KYNU: variants seen among roughly 807,000 people sequenced by gnomAD.
KYNU encodes the protein L-kynurenine hydrolase.
In KYNU, 54 loss-of-function variants were observed where a neutral mutation model predicts 59.2. The observed-to-expected ratio is 0.91, with a 90% confidence interval of 0.73 to 1.14. KYNU has a LOEUF of 1.14. Ranked by LOEUF, KYNU falls within the 50% of genes most tolerant of loss-of-function variation. The pLI, the probability that KYNU is intolerant of heterozygous loss-of-function variation, is 0.00. For synonymous variants in KYNU, 177 were observed against 192.0 expected (o/e 0.92, Z 0.65); for missense variants, 567 against 554.4 (o/e 1.02, Z -0.23).
At chr2:142,882,689 A>G (rs1681344864) in intron 1 of KYNU, among the ~76,000 whole-genome samples, 1 of 152,196 alleles carries the variant, frequency 6.6e-6, no homozygotes, top group African/African-American at 2.4e-5. Flanking sequence ...ATAGTATTCC[A>G]TGGTGTATAT....
At chr2:142,923,438 T>C (rs1682949230) in intron 3 of KYNU, among the ~76,000 whole-genome samples, 1 of 152,192 alleles carries the variant, frequency 6.6e-6, no homozygotes. Flanking sequence ...TGATACTTAA[T>C]AATTATAAGT....
chr2:142,989,573 C>G (rs1685330487), intron 10 of KYNU: 2 of 829,282 alleles, frequency 2.4e-6, no homozygotes, highest in African/African-American at 3.7e-5. Flanking sequence ...CACTCTTTAA[C>G]AAGTATTTTG....
At chr2:142,963,223 G>A (rs1684408364) in intron 8 of KYNU, among the ~76,000 whole-genome samples, 1 of 152,006 alleles carries the variant, frequency 6.6e-6, no homozygotes, top group Admixed American at 6.6e-5. Context: ...GTTATTTTGA[G>A]GCCTTATAAC....
At chr2:142,885,787 C>T (rs1681489262) in intron 2 of KYNU, among the ~76,000 whole-genome samples, 1 of 152,148 alleles carries the variant, frequency 6.6e-6, no homozygotes. Flanking sequence ...CTTCTCTGAA[C>T]AATTGAGTGA....
chr2:142,985,958 C>T lies in KYNU; in HGVS notation c.839C>T (p.Ala280Val). 6.2e-7 allele frequency: 1 copy of T among 1,605,548 alleles called. No individual in the cohort carries two copies. Among genetic ancestry groups the T allele is most frequent in the Non-Finnish European group, 8.5e-7 (1 of 1,173,278 alleles). The change falls in exon 10 of 14, where the codon GCA (alanine) becomes GTA (valine). Residue 280 changes from alanine (A) to valine (V), a missense_variant. Transcript: ENST00000264170. ...TTATTTTCAATCTAGTATTTAAATG[C>T]AGGAGCAGGAGGAATTGCTGGTGCC... Reference protein sequence around the residue: ...ACWCSYKYLNAGAGGIAGAFI... With the variant: ...ACWCSYKYLNVGAGGIAGAFI...
intron 10 of KYNU, among the ~76,000 whole-genome samples, chr2:143,011,981 T>C (rs1354426543): frequency 6.9e-6 from 1 of 145,230 alleles, no homozygotes; most frequent in Admixed American, 6.9e-5. Flanking sequence ...AGTTAGTGGG[T>C]GCAGCGCACC....
intron 10 of KYNU, among the ~76,000 whole-genome samples, chr2:143,000,221 T>C (rs1001808048): frequency 6.6e-6 from 1 of 152,198 alleles, no homozygotes; most frequent in Admixed American, 6.5e-5. Flanking sequence ...TTGAATTGTT[T>C]TGATGAATAT....
chr2:142,918,526 T>C lies in KYNU; in HGVS notation c.170-83T>C, dbSNP rs113941789. ...TTTATCCTTCTTAGAGTTGATTGTA[T>C]TAATTATTTGTACTGGCTTAACAAT... On this transcript the variant is annotated intron_variant, in intron 2 of 13. Transcript: ENST00000264170. 2.0e-3 allele frequency: 2,768 copies of C among 1,359,956 alleles called. 43 individuals are homozygous for C. In the African/African-American group the frequency reaches 0.038, roughly 19 times the overall value. 84.2% of individuals were successfully genotyped at this position (1,359,956 alleles called of 1,614,324 possible).
intron 10 of KYNU, among the ~76,000 whole-genome samples, chr2:143,009,679 G>T (rs1177835474): frequency 3.0e-5 from 3 of 100,260 alleles, no homozygotes; most frequent in Non-Finnish European, 5.5e-5. Context: ...CTGGCAAACC[G>T]AATCCAGCAG....
chr2:142,955,673 C>A lies in KYNU; in HGVS notation c.436-530C>A, dbSNP rs143944130. 7.8e-3 allele frequency among the ~76,000 whole-genome samples: 1,179 copies of A among 152,090 alleles called. 10 individuals are homozygous for A. Among genetic ancestry groups the A allele is most frequent in the Middle Eastern group, 0.02 (6 of 294 alleles). On this transcript the variant is annotated intron_variant, in intron 5 of 13. Coordinates refer to ENST00000264170, the MANE Select transcript of KYNU (RefSeq NM_003937.3). ...GTGAAAATTGCTTTAGTACCCTGGC[C>A]AGTGATCAACACTCAGTTAACAGTA...
chr2:142,960,518 A>G (rs1357346976), intron 7 of KYNU, 106 bp from the exon 8 acceptor site: 2 of 993,400 alleles, frequency 2.0e-6, no homozygotes, highest in East Asian at 5.1e-5. Context: ...GAAAAAAAAA[A>G]CTATTTTATA....
chr2:142,990,016 C>T (rs965195468), intron 10 of KYNU: 7 of 151,726 alleles, frequency 4.6e-5, no homozygotes, highest in Non-Finnish European at 8.8e-5. Context: ...AGCCCTTTGC[C>T]CATAAAGAGA....
In KYNU at chr2:142,956,097, T is replaced by C. The variant is rs1364086060; in HGVS notation, c.436-106T>C. The C allele has an allele frequency of 7.6e-6, 5 of 660,618 alleles. No homozygotes were observed. In the African/African-American group the frequency reaches 9.1e-5, roughly 12 times the overall value. 40.9% of individuals were successfully genotyped at this position (660,618 alleles called of 1,614,324 possible). ...CAAACACTTAAGATGTTGAGTTAAT[T>C]AATGTCTTTAAAATACTGGAGATTA... On this transcript the variant is annotated intron_variant, in intron 5 of 13. Coordinates refer to ENST00000264170, the MANE Select transcript of KYNU (RefSeq NM_003937.3).
intron 1 of KYNU, chr2:142,879,766 A>G (rs893336035): frequency 1.3e-5 from 2 of 152,220 alleles, no homozygotes; most frequent in African/African-American, 4.8e-5. Flanking sequence ...AAGGATTCTG[A>G]TGCCTCAGGA....
intron 2 of KYNU, among the ~76,000 whole-genome samples, chr2:142,896,388 T>C (rs71423219): frequency 0.047 from 7,084 of 152,298 alleles, 337 homozygotes; most frequent in Admixed American, 0.13. Flanking sequence ...TCCTAATGGC[T>C]AATGAACTTA....
intron 2 of KYNU, among the ~76,000 whole-genome samples, chr2:142,903,017 G>A (rs887766477): frequency 6.6e-6 from 1 of 152,264 alleles, no homozygotes; most frequent in South Asian, 2.1e-4. Flanking sequence ...CAGAGTAGAA[G>A]GGTAAGGTAC....
At chr2:143,028,888 T>C (rs1163312660) in intron 10 of KYNU, among the ~76,000 whole-genome samples, 1 of 144,574 alleles carries the variant, frequency 6.9e-6, no homozygotes, top group Non-Finnish European at 1.5e-5. Context: ...AAAAACAATA[T>C]GAAAGCAACC....
In KYNU at chr2:143,050,603, T is replaced by G. The variant is rs1687248979; in HGVS notation, c.*8431T>G. 1 of 152,204 alleles carries G rather than the reference T, an allele frequency of 6.6e-6. No homozygotes were observed. 9.4% of individuals were successfully genotyped at this position (152,204 alleles called of 1,614,324 possible). On this transcript the variant is annotated 3_prime_UTR_variant, in exon 14 of 14. Transcript: ENST00000264170. ...GATCTTCTGGGGCTATTACAATATA[T>G]AGGGCTGTTTTTTTAAAACTAATTA...
intron 2 of KYNU, among the ~76,000 whole-genome samples, chr2:142,886,521 T>C (rs1310497930): frequency 6.6e-6 from 1 of 152,076 alleles, no homozygotes; most frequent in East Asian, 1.9e-4. Context: ...GAGATATTGA[T>C]GGAAATGACA....
Sources: gnomAD v4.1 joint callset for allele counts (sites outside exome capture counted in the v4.1 genomes callset) on GRCh38, gnomAD v4.1.1 for gene constraint, MANE v1.5 for transcripts, NCBI Gene and HGNC (gene_info 2026-07-23, HGNC 2026-07-21) for gene names.